CACNA1A: variants seen among roughly 807,000 people sequenced by gnomAD.
The protein encoded by CACNA1A is calcium voltage-gated channel subunit alpha1 A.
A neutral mutation model predicts 262.4 loss-of-function variants in CACNA1A; 57 were observed. That is an observed-to-expected ratio of 0.22 (90% confidence interval 0.18 to 0.27). CACNA1A has a LOEUF of 0.27. Ranked by LOEUF, CACNA1A falls within the 10% of genes least tolerant of loss-of-function variation. The probability of loss-of-function intolerance (pLI) is 1.00; values close to 1 mark genes in which losing one functional copy is unlikely to be tolerated. For missense variants in CACNA1A, 2,526 were observed against 3,562.8 expected (o/e 0.71, Z 7.41); for synonymous variants, 1,431 against 1,419.3 (o/e 1.01, Z -0.18).
At chr19:13,293,421 G>A (rs1228002016) in intron 19 of CACNA1A, among the ~76,000 whole-genome samples, 6 of 141,148 alleles carry the variant, frequency 4.3e-5, no homozygotes, top group Non-Finnish European at 9.2e-5. Context: ...CATTTTACAC[G>A]TACTAACTCA....
intron 19 of CACNA1A, among the ~76,000 whole-genome samples, chr19:13,298,216 C>T (rs1014945336): frequency 4.9e-5 from 7 of 143,258 alleles, no homozygotes; most frequent in Non-Finnish European, 9.1e-5. Flanking sequence ...TTGCAACCTC[C>T]GCCCCCTGTT....
chr19:13,291,790 G>A (rs975590486), intron 19 of CACNA1A, among the ~76,000 whole-genome samples: 9 of 151,948 alleles, frequency 5.9e-5, no homozygotes, highest in African/African-American at 2.2e-4. Context: ...CTGGGTAACA[G>A]AGCAAGACTG....
intron 31 of CACNA1A, among the ~76,000 whole-genome samples, chr19:13,240,150 A>T (rs1371501018): frequency 1.5e-4 from 6 of 38,760 alleles, no homozygotes; most frequent in Non-Finnish European, 2.5e-4. Flanking sequence ...GACTCTGTCT[A>T]AAAAAAAAAA....
chr19:13,212,368 T>C lies in CACNA1A; in HGVS notation c.6189+16A>G. ...CGGGCCCTGGGAGCCATTGGGGAGTTGGGGGACAGAGGCACCTGAGAGTTA... is the reference window on the plus strand; with the variant it reads ...CGGGCCCTGGGAGCCATTGGGGAGTCGGGGGACAGAGGCACCTGAGAGTTA... On this transcript the variant is annotated intron_variant, in intron 42 of 46. Coordinates refer to ENST00000360228, the MANE Select transcript of CACNA1A (RefSeq NM_001127222.2). The surrounding 1 kb of genome is among the most constrained non-coding windows in gnomAD (Gnocchi z 5.6). 5.0e-6 allele frequency: 8 copies of C among 1,613,312 alleles called. No individual in the cohort carries two copies. Among genetic ancestry groups the C allele is most frequent in the Non-Finnish European group, 6.8e-6 (8 of 1,179,684 alleles).
At chr19:13,386,376 A>G (rs993411798) in intron 3 of CACNA1A, among the ~76,000 whole-genome samples, 7 of 152,130 alleles carry the variant, frequency 4.6e-5, no homozygotes, top group Admixed American at 4.6e-4. Flanking sequence ...GCTTCTGGAA[A>G]AGGATTTTTT....
chr19:13,492,427 G>C (rs947139907), intron 1 of CACNA1A, among the ~76,000 whole-genome samples: 1 of 152,168 alleles, frequency 6.6e-6, no homozygotes, highest in African/African-American at 2.4e-5. Context: ...GGGCCACGTC[G>C]TCAGGGAAAG....
chr19:13,229,014 G>C, intron 36 of CACNA1A: 1 of 319,906 alleles, frequency 3.1e-6, no homozygotes, highest in Non-Finnish European at 5.8e-6. Context: ...CCTCCCCTGG[G>C]GCTCTCTCTG....
intron 3 of CACNA1A, among the ~76,000 whole-genome samples, chr19:13,413,923 G>GAAAAGAAAAGAAAAGA (rs1475009293): frequency 7.4e-6 from 1 of 135,744 alleles, no homozygotes; most frequent in African/African-American, 2.9e-5. Flanking sequence ...AAGAAAGAAA[G>GAAAAGAAAAGAAAAGA]AAAGAAAGAA....
chr19:13,318,384 A>G (rs2058172305), intron 10 of CACNA1A, among the ~76,000 whole-genome samples: 1 of 152,164 alleles, frequency 6.6e-6, no homozygotes, highest in Admixed American at 6.5e-5. Context: ...AAGGTGGTGA[A>G]GGCAGGGAGG....
rs12980884 is a variant in CACNA1A, at chr19:13,207,513, G to C, written c.7321C>G (p.Arg2441Gly). The change falls in exon 47 of 47, where the codon CGA (arginine) becomes GGA (glycine). Residue 2441 changes from arginine (R) to glycine (G), a missense_variant. Coordinates refer to ENST00000360228, the MANE Select transcript of CACNA1A (RefSeq NM_001127222.2). The surrounding 1 kb of genome is among the most constrained non-coding windows in gnomAD (Gnocchi z 5.7). ...AGAYDAPPPV[R>G]HASSGATGRS... ...CCGGTGGCGCCCGAGGACGCGTGTC[G>C]TACGGGGGGTGGCGCGTCGTAGGCC... 3 of 1,432,650 alleles carry C rather than the reference G, an allele frequency of 2.1e-6. No homozygotes were observed. The highest frequency in any genetic ancestry group is 1.5e-5 in the African/African-American group (1 of 66,080). 88.7% of individuals were successfully genotyped at this position (1,432,650 alleles called of 1,614,324 possible). A position where few individuals can be genotyped will look rare whatever the true frequency, so the allele number is the denominator to read the frequency against.
intron 3 of CACNA1A, among the ~76,000 whole-genome samples, chr19:13,446,620 T>C (rs992289556): frequency 6.4e-4 from 96 of 150,272 alleles, no homozygotes; most frequent in African/African-American, 2.2e-3. Context: ...CTTTTTTTTT[T>C]TTTTTTTTGT....
chr19:13,212,360 T>C lies in CACNA1A; in HGVS notation c.6189+24A>G, dbSNP rs1358171791. On this transcript the variant is annotated intron_variant, in intron 42 of 46. Coordinates refer to ENST00000360228, the MANE Select transcript of CACNA1A (RefSeq NM_001127222.2). The surrounding 1 kb of genome is among the most constrained non-coding windows in gnomAD (Gnocchi z 5.6). ...GAACCACCCGGGCCCTGGGAGCCAT[T>C]GGGGAGTTGGGGGACAGAGGCACCT... The C allele has an allele frequency of 6.2e-7, 1 of 1,612,996 alleles. No homozygotes were observed. Among genetic ancestry groups the C allele is most frequent in the South Asian group, 1.1e-5 (1 of 90,912 alleles).
chr19:13,464,105 T>C (rs916535162), intron 1 of CACNA1A, among the ~76,000 whole-genome samples: 1 of 152,196 alleles, frequency 6.6e-6, no homozygotes, highest in African/African-American at 2.4e-5. Flanking sequence ...AAATTTAATG[T>C]GGGCCAAATG....
At chr19:13,268,892 A>ATT (rs2056939716) in intron 24 of CACNA1A, among the ~76,000 whole-genome samples, 1 of 96,032 alleles carries the variant, frequency 1.0e-5, no homozygotes, top group African/African-American at 4.7e-5. Context: ...TATAGATTCT[A>ATT]CTTTTTTTTT....
rs532836433 is a variant in CACNA1A, at chr19:13,327,907, AT to A, written c.1345+2336del. ...GATTTTTAAGAATGTATGTTATTTT[AT>A]TTTTTTAAGAGACAGGTTCTCACTC... On this transcript the variant is annotated intron_variant, in intron 10 of 46. Coordinates refer to ENST00000360228, the MANE Select transcript of CACNA1A (RefSeq NM_001127222.2). Among the ~76,000 whole-genome samples the A allele has an allele frequency of 8.9e-4, 135 of 151,954 alleles. 1 individual carries two copies. The highest frequency in any genetic ancestry group is 3.2e-3 in the African/African-American group (131 of 41,446).
At chr19:13,432,103 C>CAAAAAAAAAA (rs71170513) in intron 3 of CACNA1A, among the ~76,000 whole-genome samples, 4 of 64,394 alleles carry the variant, frequency 6.2e-5, no homozygotes, top group African/African-American at 2.5e-4. Context: ...GACTCCGTCT[C>CAAAAAAAAAA]AAAAAAAAAA....
At chr19:13,432,554 G>A (rs991107517) in intron 3 of CACNA1A, among the ~76,000 whole-genome samples, 3 of 152,056 alleles carry the variant, frequency 2.0e-5, no homozygotes, top group African/African-American at 7.2e-5. Flanking sequence ...ATTAGGCAAA[G>A]GATACAAAGT....
intron 3 of CACNA1A, among the ~76,000 whole-genome samples, chr19:13,412,738 A>G (rs1400921792): frequency 6.6e-6 from 1 of 152,088 alleles, no homozygotes; most frequent in Non-Finnish European, 1.5e-5. Flanking sequence ...CGGCCTCCCA[A>G]AGTGCTGGGA....
At chr19:13,234,825 T>A (rs2055819602) in intron 34 of CACNA1A, 96 bp downstream of exon 34, 1 of 843,050 alleles carries the variant, frequency 1.2e-6, no homozygotes, top group Non-Finnish European at 2.0e-6. Context: ...CGTCTTGCAT[T>A]GGAAGAGGAG....
Sources: allele counts gnomAD v4.1 joint callset (sites outside exome capture counted in the v4.1 genomes callset), GRCh38; gene constraint gnomAD v4.1.1; non-coding constraint Gnocchi (gnomAD v3.1); transcripts MANE v1.5; gene names NCBI Gene and HGNC (gene_info 2026-07-23, HGNC 2026-07-21).